The following EPHA5 variants were observed in gnomAD, a reference collection of about 807,000 sequenced individuals.
EPHA5 encodes ephrin type-A receptor 5.
A neutral mutation model predicts 105.0 loss-of-function variants in EPHA5; 60 were observed. The observed-to-expected ratio is 0.57, with a 90% CI of 0.46 to 0.71. The LOEUF (loss-of-function observed/expected upper bound fraction) is 0.71. EPHA5 is among the 30% of genes least tolerant of loss of function. The probability of loss-of-function intolerance (pLI) is 0.00; values close to 1 mark genes in which losing one functional copy is unlikely to be tolerated. For synonymous variants in EPHA5, 513 were observed against 449.1 expected (o/e 1.14, Z -1.80); for missense variants, 1,218 against 1,274.7 (o/e 0.96, Z 0.68).
At position 65,434,833 on chromosome 4, in the gene EPHA5, T is replaced by G. The variant is rs181976546; in HGVS notation, c.1403-14268A>C. 4.0e-3 allele frequency among the ~76,000 whole-genome samples: 610 copies of G among 152,258 alleles called. 4 individuals are homozygous for G. The highest frequency in any genetic ancestry group is 0.014 in the African/African-American group (576 of 41,554). On this transcript the variant is annotated intron_variant, in intron 5 of 16. Coordinates refer to ENST00000613740, the MANE Select transcript of EPHA5 (RefSeq NM_001281766.3). Reference sequence around the variant, plus strand: ...ATGTTGAAATCAAAACACTGACTATTTTTTTAAGACCATGAAGTACCCAAC... The same window carrying G: ...ATGTTGAAATCAAAACACTGACTATGTTTTTAAGACCATGAAGTACCCAAC...
intron 8 of EPHA5, among the ~76,000 whole-genome samples, chr4:65,378,328 T>C (rs1179092928): frequency 6.6e-6 from 1 of 151,904 alleles, no homozygotes; most frequent in Non-Finnish European, 1.5e-5. Context: ...TGTAGAGATA[T>C]TGAGAGTCAG....
intron 5 of EPHA5, among the ~76,000 whole-genome samples, chr4:65,476,123 A>AGTGT (rs1457344941): frequency 9.1e-4 from 119 of 130,120 alleles, no homozygotes; most frequent in Admixed American, 2.6e-3. Context: ...AGAGAGAGAG[A>AGTGT]GAGAGTGTGT....
intron 3 of EPHA5, among the ~76,000 whole-genome samples, chr4:65,525,291 T>C (rs889760238): frequency 6.6e-6 from 1 of 151,806 alleles, no homozygotes; most frequent in African/African-American, 2.4e-5. Context: ...AGAGAAATAA[T>C]TTAATATAAT....
chr4:65,401,889 G>A (rs1266354444), intron 8 of EPHA5, among the ~76,000 whole-genome samples: 1 of 120,604 alleles, frequency 8.3e-6, no homozygotes, highest in Admixed American at 8.0e-5. Context: ...TATAGAATTT[G>A]TGTATGTGTG....
intron 5 of EPHA5, among the ~76,000 whole-genome samples, chr4:65,489,765 A>G (rs1026734466): frequency 6.6e-6 from 1 of 152,208 alleles, no homozygotes; most frequent in Admixed American, 6.5e-5. Flanking sequence ...CCTACTCCCT[A>G]ATAATTACTT....
intron 3 of EPHA5, among the ~76,000 whole-genome samples, chr4:65,496,513 AATG>A (rs1207124985): frequency 6.6e-6 from 1 of 151,332 alleles, no homozygotes; most frequent in Admixed American, 6.6e-5. Flanking sequence ...GTTTACTGAG[AATG>A]ATGATTTCCA....
chr4:65,337,976 T>C (rs1359887114), intron 14 of EPHA5, among the ~76,000 whole-genome samples: 2 of 151,982 alleles, frequency 1.3e-5, no homozygotes, highest in Non-Finnish European at 2.9e-5. Flanking sequence ...AAAAACAATA[T>C]AGTAATTATA....
At chr4:65,600,607 G>A (rs1347815358) in intron 3 of EPHA5, among the ~76,000 whole-genome samples, 1 of 152,066 alleles carries the variant, frequency 6.6e-6, no homozygotes, top group Non-Finnish European at 1.5e-5. Context: ...GTAACAGAGT[G>A]GACTTAGGAA....
intron 3 of EPHA5, among the ~76,000 whole-genome samples, chr4:65,570,612 T>A (rs1197982227): frequency 1.3e-5 from 2 of 151,918 alleles, no homozygotes; most frequent in Admixed American, 1.3e-4. Context: ...AAGGTCATGA[T>A]TATACGATGA....
In EPHA5 at chr4:65,321,228, C is replaced by T. The variant is rs1225324600; in HGVS notation, c.*2886G>A. ...TACAATAAGATTATGTATTATTTGCCAAATCTGTTGTATATACTAAAATTG... is the reference window on the plus strand; with the variant it reads ...TACAATAAGATTATGTATTATTTGCTAAATCTGTTGTATATACTAAAATTG... On this transcript the variant is annotated 3_prime_UTR_variant, in exon 17 of 17. Coordinates refer to ENST00000613740, the MANE Select transcript of EPHA5 (RefSeq NM_001281766.3). The T allele has an allele frequency of 7.4e-5, 17 of 230,424 alleles. No homozygotes were observed. The highest frequency in any genetic ancestry group is 2.0e-4 in the African/African-American group (9 of 45,208). The allele number at this position is 230,424 out of a possible 1,614,324, so 14.3% of individuals were successfully genotyped here.
Position 65,414,437 on chromosome 4 carries a change from C to G in EPHA5, c.1534G>C (p.Glu512Gln), listed in dbSNP as rs1227927853. 1 of 1,613,778 alleles carries G rather than the reference C, an allele frequency of 6.2e-7. No individual in the cohort carries two copies. Among genetic ancestry groups the G allele is most frequent in the Non-Finnish European group, 8.5e-7 (1 of 1,179,812 alleles). Residue 512 changes from glutamate to glutamine, a missense_variant, in exon 7 of 17, where the codon GAG becomes CAG. Coordinates refer to ENST00000613740, the MANE Select transcript of EPHA5 (RefSeq NM_001281766.3). ...YEIKYFEKDQ[E>Q]TSYTIIKSKE... is the part of the protein sequence containing the mutation. ...GATTTGATAATCGTGTAGCTGGTCT[C>G]TTGGTCCTTGGGATGCGCATGCATA...
chr4:65,664,259 C>T (rs1317265685), intron 1 of EPHA5, among the ~76,000 whole-genome samples: 1 of 151,860 alleles, frequency 6.6e-6, no homozygotes, highest in Non-Finnish European at 1.5e-5. Flanking sequence ...AGATTTTCAA[C>T]ATCTAATAAT....
chr4:65,451,061 G>T (rs1456047157), intron 5 of EPHA5, among the ~76,000 whole-genome samples: 1 of 152,044 alleles, frequency 6.6e-6, no homozygotes, highest in Non-Finnish European at 1.5e-5. Context: ...ATACTTCAAA[G>T]ATTTACAAGC....
At chr4:65,399,440 G>A (rs6551919) in intron 8 of EPHA5, among the ~76,000 whole-genome samples, 119,200 of 152,128 alleles carry the variant, frequency 0.78, 47,398 homozygotes, top group South Asian at 0.92. Flanking sequence ...TGGGCAGAAC[G>A]AGCCTAACAG....
intron 5 of EPHA5, among the ~76,000 whole-genome samples, chr4:65,469,070 A>G (rs1265933977): frequency 1.3e-5 from 2 of 152,056 alleles, no homozygotes; most frequent in Non-Finnish European, 2.9e-5. Flanking sequence ...GAGGAAGAGA[A>G]GTTTCCTTTC....
At position 65,319,866 on chromosome 4, in the gene EPHA5, T is replaced by C. The variant is rs972138909; in HGVS notation, c.*4248A>G. 1 of 229,796 alleles carries C rather than the reference T, an allele frequency of 4.4e-6. No homozygotes were observed. The highest frequency in any genetic ancestry group is 5.7e-5 in the Admixed American group (1 of 17,600). 14.2% of individuals were successfully genotyped at this position (229,796 alleles called of 1,614,324 possible). On this transcript the variant is annotated 3_prime_UTR_variant, in exon 17 of 17. Coordinates refer to ENST00000613740, the MANE Select transcript of EPHA5 (RefSeq NM_001281766.3). ...TCTTATAAATGTAACTACTCACTTTTAAATAATTGACTGTAAAACTACAGC... is the reference window on the plus strand; with the variant it reads ...TCTTATAAATGTAACTACTCACTTTCAAATAATTGACTGTAAAACTACAGC...
chr4:65,545,016 A>C (rs1405865022), intron 3 of EPHA5, among the ~76,000 whole-genome samples: 1 of 151,814 alleles, frequency 6.6e-6, no homozygotes, highest in African/African-American at 2.4e-5. Flanking sequence ...ACTATGTTTC[A>C]ACAAACAAGG....
At chr4:65,423,567 A>G (rs888400982) in intron 5 of EPHA5, among the ~76,000 whole-genome samples, 2 of 151,896 alleles carry the variant, frequency 1.3e-5, no homozygotes, top group African/African-American at 4.8e-5. Context: ...TTATAGTCGA[A>G]TACTTTATTT....
At chr4:65,635,199 C>A (rs1747011407) in intron 2 of EPHA5, among the ~76,000 whole-genome samples, 4 of 152,008 alleles carry the variant, frequency 2.6e-5, no homozygotes, top group African/African-American at 9.7e-5. Context: ...ACAAGAAAAG[C>A]CATAAACTCC....
Sources: allele counts gnomAD v4.1 joint callset (sites outside exome capture counted in the v4.1 genomes callset), GRCh38; gene constraint gnomAD v4.1.1; transcripts MANE v1.5; gene names NCBI Gene and HGNC (gene_info 2026-07-23, HGNC 2026-07-21).